PAX2: variants seen among roughly 807,000 people sequenced by gnomAD.
The protein encoded by PAX2 is paired box protein Pax-2.
PAX2 carries 9 observed loss-of-function variants against 41.7 expected under a neutral mutation model. The observed-to-expected ratio is 0.22, with a 90% CI of 0.13 to 0.38. The LOEUF is 0.38. PAX2 is among the 10% of genes least tolerant of loss of function. The pLI, the probability that PAX2 is intolerant of heterozygous loss-of-function variation, is 1.00. For missense variants in PAX2, 418 were observed against 531.6 expected, an observed-to-expected ratio of 0.79 and a Z score of 2.10; for synonymous variants, 221 against 212.7, an observed-to-expected ratio of 1.04 and a Z score of -0.34.
At chr10:100,819,431 A>G (rs149039736) in intron 7 of PAX2, among the ~76,000 whole-genome samples, 1,703 of 151,772 alleles carry the variant, frequency 0.011, 38 homozygotes, top group African/African-American at 0.039. Flanking sequence ...TTAGCCAGGC[A>G]TGGTGACAGG....
intron 8 of PAX2, among the ~76,000 whole-genome samples, chr10:100,825,426 A>C (rs1243208713): frequency 1.3e-5 from 2 of 152,178 alleles, no homozygotes; most frequent in Admixed American, 6.5e-5. Context: ...TGTTTGAATC[A>C]GAGAGACAGA....
intron 3 of PAX2, among the ~76,000 whole-genome samples, chr10:100,768,381 T>C (rs934090778): frequency 6.6e-6 from 1 of 152,168 alleles, no homozygotes; most frequent in Non-Finnish European, 1.5e-5. Flanking sequence ...ACTAGATAGA[T>C]GAAAATAATT....
chr10:100,777,398 C>CTTTTTTTTT (rs56136871), intron 3 of PAX2, among the ~76,000 whole-genome samples: 1 of 121,938 alleles, frequency 8.2e-6, no homozygotes. Context: ...CGCATCTGGC[C>CTTTTTTTTT]TTTTTTTTTT....
At chr10:100,764,336 G>C (rs1845945699) in intron 3 of PAX2, among the ~76,000 whole-genome samples, 2 of 151,782 alleles carry the variant, frequency 1.3e-5, no homozygotes, top group African/African-American at 4.8e-5. Context: ...GTAGAGACAG[G>C]GTTTCACCTG....
upstream of PAX2, among the ~76,000 whole-genome samples, chr10:100,743,914 C>G (rs1589802934): frequency 6.6e-6 from 1 of 152,176 alleles, no homozygotes; most frequent in East Asian, 1.9e-4. Flanking sequence ...TGTTTTCCTC[C>G]CAGACTTTAC....
At position 100,779,557 on chromosome 10, in the gene PAX2, G is replaced by C; in HGVS notation, c.470G>C (p.Gly157Ala). The change falls in exon 4 of 10, where the codon GGA (glycine) becomes GCA (alanine). Residue 157 changes from glycine (G) to alanine (A), a missense_variant. By Grantham distance (60) the Gly-to-Ala change is moderately conservative. Around this residue, in one of 2 missense-constraint regions of PAX2, gnomAD observed 310 missense variants for 325.2 expected, o/e 0.95. Coordinates refer to ENST00000355243, the MANE Select transcript of PAX2 (RefSeq NM_000278.5). ...FHPTPDGAGT[G>A]VTAPGHTIVP... ...CCAACGCCGGATGGGGCTGGGACAG[G>C]AGTGACCGCCCCTGGCCACACCATT... The C allele has an allele frequency of 6.3e-7, 1 of 1,593,728 alleles. No individual in the cohort carries two copies. The highest frequency in any genetic ancestry group is 8.5e-7 in the Non-Finnish European group (1 of 1,170,440).
chr10:100,748,393 T>C lies in PAX2; in HGVS notation c.44-1353T>C, dbSNP rs1589809547. ...TCCCAGCAACGCGATCAGAGGTCTT[T>C]CCCCAGGGTTTCACCGAGCTTGCTC... On this transcript the variant is annotated intron_variant, in intron 1 of 9. Transcript: ENST00000355243. The surrounding 1 kb of genome is among the most constrained non-coding windows in gnomAD (Gnocchi z 5.0). 1 of 979,842 alleles carries C rather than the reference T, an allele frequency of 1.0e-6. No individual in the cohort carries two copies. 60.7% of individuals were successfully genotyped at this position (979,842 alleles called of 1,614,324 possible).
At chr10:100,788,008 T>C (rs951469093) in intron 5 of PAX2, among the ~76,000 whole-genome samples, 1 of 152,106 alleles carries the variant, frequency 6.6e-6, no homozygotes, top group Non-Finnish European at 1.5e-5. Context: ...AGACCAGCCG[T>C]GGTGTCACCG....
chr10:100,773,507 T>C (rs1177073855), intron 3 of PAX2, among the ~76,000 whole-genome samples: 1 of 152,168 alleles, frequency 6.6e-6, no homozygotes, highest in African/African-American at 2.4e-5. Flanking sequence ...CATAATATGA[T>C]GGGTAGGTTA....
Position 100,750,081 on chromosome 10 carries a change from G to T in PAX2, c.212+167G>T, listed in dbSNP as rs748557689. On this transcript the variant is annotated intron_variant, in intron 2 of 9. Coordinates refer to ENST00000355243, the MANE Select transcript of PAX2 (RefSeq NM_000278.5). This position sits in a 1 kb window ranked among gnomAD's most constrained non-coding sequence, Gnocchi z 4.1. ...TTTTGGAGAGAGTGTTCAGATGGTG[G>T]CTGAAGACCCAGGAGCGAGGGTGGC... Among the ~76,000 whole-genome samples, 1 of 152,248 alleles carries T rather than the reference G, an allele frequency of 6.6e-6. No homozygotes were observed. Among genetic ancestry groups the T allele is most frequent in the Non-Finnish European group, 1.5e-5 (1 of 68,046 alleles).
chr10:100,806,871 G>A (rs1847802464), intron 6 of PAX2, among the ~76,000 whole-genome samples: 1 of 152,072 alleles, frequency 6.6e-6, no homozygotes, highest in African/African-American at 2.4e-5. Flanking sequence ...CAGAGCCTCG[G>A]TTTCCCCATC....
chr10:100,774,742 T>C (rs1178714005), intron 3 of PAX2, among the ~76,000 whole-genome samples: 1 of 152,238 alleles, frequency 6.6e-6, no homozygotes, highest in Non-Finnish European at 1.5e-5. Flanking sequence ...ATGAAGTGTA[T>C]GGTAGTATTA....
At chr10:100,798,171 A>G (rs1847406492) in intron 5 of PAX2, among the ~76,000 whole-genome samples, 1 of 138,626 alleles carries the variant, frequency 7.2e-6, no homozygotes, top group South Asian at 2.3e-4. Context: ...GCTGGAGTGC[A>G]GTGGCATGAT....
At chr10:100,754,055 A>C (rs1190555711) in intron 3 of PAX2, among the ~76,000 whole-genome samples, 1 of 152,228 alleles carries the variant, frequency 6.6e-6, no homozygotes, top group Non-Finnish European at 1.5e-5. Context: ...CCGCTGCTGT[A>C]AAGGGCAGGT....
At chr10:100,822,408 A>G (rs1279999216) in intron 7 of PAX2, among the ~76,000 whole-genome samples, 4 of 152,214 alleles carry the variant, frequency 2.6e-5, no homozygotes, top group African/African-American at 9.6e-5. Context: ...ACATGAAACA[A>G]TAAAAAAAAT....
chr10:100,794,204 A>G (rs1325330609), intron 5 of PAX2, among the ~76,000 whole-genome samples: 1 of 152,254 alleles, frequency 6.6e-6, no homozygotes, highest in Non-Finnish European at 1.5e-5. Context: ...AGAGATGGAC[A>G]GTGGCCATTG....
chr10:100,796,677 G>T (rs1477076278), intron 5 of PAX2, among the ~76,000 whole-genome samples: 1 of 152,180 alleles, frequency 6.6e-6, no homozygotes, highest in Non-Finnish European at 1.5e-5. Flanking sequence ...CCCCAGCATG[G>T]AGCATTTTGC....
chr10:100,781,474 A>T, intron 5 of PAX2, 109 bp downstream of exon 5: 1 of 1,195,534 alleles, frequency 8.4e-7, no homozygotes, highest in Non-Finnish European at 1.2e-6. Flanking sequence ...GATCAATTTT[A>T]GTAGCAAAGC....
At position 100,746,266 on chromosome 10, in the gene PAX2, T is replaced by G. The variant is rs756176788; in HGVS notation, c.6T>G (p.Asp2Glu). Reference protein sequence around the residue: MDMHCKADPFSA... With the variant: MEMHCKADPFSA... ...TCCCGCTCCTCTGCCTCCCCATGGA[T>G]ATGCACTGCAAAGCAGACCCCTTCT... The change falls in exon 1 of 10, where the codon GAT becomes GAG. Residue 2 changes from aspartate to glutamate, a missense_variant. Asp to Glu is a conservative substitution (Grantham distance 45). This residue lies in a region of PAX2 where 108 missense variants were observed against 206.3 expected (regional missense o/e 0.52). Transcript: ENST00000355243. The G allele has an allele frequency of 6.2e-7, 1 of 1,613,522 alleles. No individual in the cohort carries two copies. The highest frequency in any genetic ancestry group is 1.3e-5 in the African/African-American group (1 of 74,976).
Sources: allele counts gnomAD v4.1 joint callset (sites outside exome capture counted in the v4.1 genomes callset), GRCh38; gene constraint gnomAD v4.1.1; regional missense constraint gnomAD v4.1.1; non-coding constraint Gnocchi (gnomAD v3.1); transcripts MANE v1.5; gene names NCBI Gene and HGNC (gene_info 2026-07-23, HGNC 2026-07-21).